The following KIAA1217 variants were observed in gnomAD, a reference collection of about 807,000 sequenced individuals.
KIAA1217 encodes KIAA1217.
KIAA1217 carries 88 observed loss-of-function variants against 163.9 expected under a neutral mutation model. The observed-to-expected ratio is 0.54, with a 90% CI of 0.45 to 0.64. The LOEUF is 0.64. KIAA1217 is among the 30% of genes least tolerant of loss of function. The pLI, the probability that KIAA1217 is intolerant of heterozygous loss-of-function variation, is 0.00. For synonymous variants in KIAA1217, 903 were observed against 923.1 expected (o/e 0.98, Z 0.39); for missense variants, 2,372 against 2,475.0 (o/e 0.96, Z 0.88).
chr10:24,331,630 A>G (rs2045682783), intron 2 of KIAA1217, among the ~76,000 whole-genome samples: 3 of 152,254 alleles, frequency 2.0e-5, no homozygotes, highest in African/African-American at 7.2e-5. Context: ...AGCGAAGAGC[A>G]TGGCAGAGGG....
chr10:24,141,375 T>C (rs2064072777), intron 2 of KIAA1217, among the ~76,000 whole-genome samples: 1 of 152,070 alleles, frequency 6.6e-6, no homozygotes, highest in Admixed American at 6.6e-5. Context: ...CTCTCCATTT[T>C]CCTACCACTT....
chr10:24,408,679 G>T (rs1591687313), intron 3 of KIAA1217, among the ~76,000 whole-genome samples: 1 of 151,898 alleles, frequency 6.6e-6, no homozygotes, highest in Admixed American at 6.6e-5. Flanking sequence ...GTTCTTTTTT[G>T]CCTGATATGT....
At chr10:23,886,656 T>G (rs1841188520) in intron 1 of KIAA1217, among the ~76,000 whole-genome samples, 4 of 151,962 alleles carry the variant, frequency 2.6e-5, no homozygotes, top group Admixed American at 2.6e-4. Flanking sequence ...AAACTTCAGG[T>G]TGAGGTTGAT....
intron 2 of KIAA1217, among the ~76,000 whole-genome samples, chr10:24,282,292 T>C (rs1033865153): frequency 2.0e-5 from 3 of 152,170 alleles, no homozygotes; most frequent in African/African-American, 7.2e-5. Flanking sequence ...GGAGTCTTTT[T>C]CAGGTTTCTC....
At chr10:24,446,927 T>C (rs117982560) in intron 5 of KIAA1217, among the ~76,000 whole-genome samples, 7,605 of 152,232 alleles carry the variant, frequency 0.05, 239 homozygotes, top group South Asian at 0.11. Context: ...ATCATGCCTG[T>C]GGTCACTACC....
chr10:24,020,424 G>A (rs1564615155), intron 2 of KIAA1217, among the ~76,000 whole-genome samples: 1 of 152,070 alleles, frequency 6.6e-6, no homozygotes, highest in Non-Finnish European at 1.5e-5. Context: ...TAAGCTTGAG[G>A]TTGTGGTCTC....
At chr10:23,943,948 A>C (rs1843897102) in intron 1 of KIAA1217, among the ~76,000 whole-genome samples, 1 of 152,218 alleles carries the variant, frequency 6.6e-6, no homozygotes, top group Admixed American at 6.5e-5. Flanking sequence ...GGTGGACCCA[A>C]AAATAAAAGC....
At chr10:24,025,226 G>C (rs551248034) in intron 2 of KIAA1217, among the ~76,000 whole-genome samples, 71 of 151,712 alleles carry the variant, frequency 4.7e-4, no homozygotes, top group Non-Finnish European at 8.4e-4. Flanking sequence ...CTCATGTTTT[G>C]CCTATAAAAA....
chr10:24,064,953 T>C (rs1002665387), intron 2 of KIAA1217, among the ~76,000 whole-genome samples: 7 of 152,346 alleles, frequency 4.6e-5, no homozygotes, highest in African/African-American at 1.7e-4. Flanking sequence ...TATTCTCTGA[T>C]GGTAGTTTGT....
At chr10:24,296,185 C>A (rs948588690) in intron 2 of KIAA1217, among the ~76,000 whole-genome samples, 1 of 152,096 alleles carries the variant, frequency 6.6e-6, no homozygotes, top group Non-Finnish European at 1.5e-5. Context: ...CTCACTGCAG[C>A]CTTGACCTCC....
chr10:24,377,112 C>G (rs995525296), intron 2 of KIAA1217, among the ~76,000 whole-genome samples: 1 of 152,070 alleles, frequency 6.6e-6, no homozygotes, highest in African/African-American at 2.4e-5. Context: ...ACAGAGAGAC[C>G]CCTTCGAAGA....
At chr10:24,499,530 C>T (rs1045516185) in intron 8 of KIAA1217, among the ~76,000 whole-genome samples, 2 of 152,052 alleles carry the variant, frequency 1.3e-5, no homozygotes, top group African/African-American at 2.4e-5. Flanking sequence ...GTCAGGAGTC[C>T]GAGACTAGCC....
chr10:23,730,919 A>G (rs1358445475), intron 1 of KIAA1217, among the ~76,000 whole-genome samples: 1 of 152,172 alleles, frequency 6.6e-6, no homozygotes, highest in African/African-American at 2.4e-5. Flanking sequence ...TTCTTCATAG[A>G]CTAACATATC....
At chr10:24,535,615 A>G (rs1161542130) in intron 16 of KIAA1217, among the ~76,000 whole-genome samples, 1 of 152,056 alleles carries the variant, frequency 6.6e-6, no homozygotes, top group Non-Finnish European at 1.5e-5. Context: ...TCTCTACTAA[A>G]ACTACAAAAA....
intron 2 of KIAA1217, among the ~76,000 whole-genome samples, chr10:24,375,962 C>T (rs1457080840): frequency 6.6e-6 from 1 of 152,200 alleles, no homozygotes; most frequent in Non-Finnish European, 1.5e-5. Context: ...AATACATCAT[C>T]AATACCTCTA....
At position 23,695,704 on chromosome 10, in the gene KIAA1217, C is replaced by T. The variant is rs371567193; in HGVS notation, c.-321+470C>T. On this transcript the variant is annotated intron_variant, in intron 1 of 18. Coordinates refer to the KIAA1217 transcript ENST00000376462. The surrounding 1 kb of genome is among the most constrained non-coding windows in gnomAD (Gnocchi z 4.9). ...GGGCAAGGAGAGAGAGAACCGGCCC[C>T]GAGACGGGCTGGAGGGTGGGGACAC... is the stretch of plus-strand genomic sequence containing the variant. 5.9e-5 allele frequency among the ~76,000 whole-genome samples: 9 copies of T among 152,104 alleles called. No homozygotes were observed. The East Asian group carries it at 7.7e-4, about 13-fold the overall frequency.
At chr10:24,054,400 G>A (rs1849735657) in intron 2 of KIAA1217, among the ~76,000 whole-genome samples, 2 of 152,120 alleles carry the variant, frequency 1.3e-5, no homozygotes, top group Admixed American at 6.6e-5. Flanking sequence ...GATGGAGGGG[G>A]ATAGAAAAGA....
chr10:24,338,618 A>T (rs1485757456), intron 2 of KIAA1217, among the ~76,000 whole-genome samples: 1 of 152,276 alleles, frequency 6.6e-6, no homozygotes, highest in Non-Finnish European at 1.5e-5. Flanking sequence ...GATACTCAAG[A>T]AATGTCTGTG....
chr10:24,379,465 A>T, intron 2 of KIAA1217, among the ~76,000 whole-genome samples: 1 of 152,318 alleles, frequency 6.6e-6, no homozygotes, highest in African/African-American at 2.4e-5. Flanking sequence ...ACACCCAGTC[A>T]TCTCCTTGAA....
Sources: gnomAD v4.1 joint callset for allele counts (sites outside exome capture counted in the v4.1 genomes callset) on GRCh38, gnomAD v4.1.1 for gene constraint, Gnocchi (gnomAD v3.1) non-coding constraint, MANE v1.5 for transcripts, NCBI Gene and HGNC (gene_info 2026-07-23, HGNC 2026-07-21) for gene names.